LRRC2: variants seen among roughly 807,000 people sequenced by gnomAD.
LRRC2 encodes leucine-rich repeat-containing protein 2.
A neutral mutation model predicts 40.2 loss-of-function variants in LRRC2; 27 were observed. The observed-to-expected ratio is 0.67, with a 90% CI of 0.49 to 0.93. The LOEUF is 0.93. Ranked by LOEUF, LRRC2 falls within the 40% of genes least tolerant of loss-of-function variation. LRRC2 has a pLI of 0.00. For missense variants in LRRC2, 402 were observed against 439.6 expected, an observed-to-expected ratio of 0.91 and a Z score of 0.76; for synonymous variants, 147 against 158.9, an observed-to-expected ratio of 0.92 and a Z score of 0.56.
intron 2 of LRRC2, 29 bp from the exon 3 acceptor site, chr3:46,545,282 C>T (rs1340509932): frequency 5.0e-6 from 8 of 1,603,020 alleles, no homozygotes; most frequent in Middle Eastern, 1.7e-4. Flanking sequence ...GTCACAGTTA[C>T]TCTCCTGGGG....
At chr3:46,536,539 T>C (rs1704272591) in intron 4 of LRRC2, among the ~76,000 whole-genome samples, 1 of 152,100 alleles carries the variant, frequency 6.6e-6, no homozygotes, top group African/African-American at 2.4e-5. Context: ...CCCACCAATC[T>C]CTTCTCCTCC....
chr3:46,526,288 T>G (rs116946355), intron 7 of LRRC2, among the ~76,000 whole-genome samples: 1 of 152,248 alleles, frequency 6.6e-6, no homozygotes, highest in Non-Finnish European at 1.5e-5. Context: ...CTGACTCTCT[T>G]AGATTTCTGA....
chr3:46,530,900 T>C (rs894863091), intron 5 of LRRC2, among the ~76,000 whole-genome samples: 3 of 152,178 alleles, frequency 2.0e-5, no homozygotes. Flanking sequence ...CATATCATCA[T>C]GTAAAACATA....
Position 46,545,250 on chromosome 3 carries a change from T to C in LRRC2, c.129A>G (p.Ile43Met), listed in dbSNP as rs1307372654. Residue 43 changes from isoleucine to methionine, a missense_variant, in exon 3 of 9, where the codon ATA becomes ATG. By Grantham distance (10) the Ile-to-Met change is conservative. Coordinates refer to ENST00000395905, the MANE Select transcript of LRRC2 (RefSeq NM_024512.5). ...CGGCCACAAAGTTCCACTCCTCCTT[T>C]ATCCTAAAACAGGCAGCAGGGGTCA... The part of the protein sequence containing the change: ...ERLEKSALEK[I>M]KEEWNFVAEC... The C allele has an allele frequency of 6.2e-7, 1 of 1,613,822 alleles. No individual in the cohort carries two copies. Among genetic ancestry groups the C allele is most frequent in the Non-Finnish European group, 8.5e-7 (1 of 1,179,934 alleles).
intron 7 of LRRC2, among the ~76,000 whole-genome samples, chr3:46,524,673 GATAAGTGT>G (rs1463093231): frequency 1.3e-5 from 2 of 152,090 alleles, no homozygotes; most frequent in Admixed American, 6.6e-5. Flanking sequence ...TGTTATAAAG[GATAAGTGT>G]ATAAGTGTTA....
chr3:46,537,166 C>T (rs899989626), intron 4 of LRRC2, among the ~76,000 whole-genome samples: 1 of 152,176 alleles, frequency 6.6e-6, no homozygotes, highest in Non-Finnish European at 1.5e-5. Flanking sequence ...CACCCTGTCA[C>T]CCAGGCTGGA....
chr3:46,526,895 T>C (rs1407275454), intron 7 of LRRC2, among the ~76,000 whole-genome samples: 1 of 152,252 alleles, frequency 6.6e-6, no homozygotes, highest in Non-Finnish European at 1.5e-5. Flanking sequence ...AGCTCCAGAT[T>C]CTGGGAGGAT....
At chr3:46,527,042 G>A (rs970185610) in intron 7 of LRRC2, among the ~76,000 whole-genome samples, 6 of 152,278 alleles carry the variant, frequency 3.9e-5, no homozygotes, top group Middle Eastern at 3.4e-3. Flanking sequence ...TCTTAGTTGT[G>A]GGTGGTTTAT....
chr3:46,558,605 G>A (rs1704865720), intron 1 of LRRC2: 1 of 152,248 alleles, frequency 6.6e-6, no homozygotes, highest in Non-Finnish European at 1.5e-5. Context: ...ACAAACTTAC[G>A]GAGCTGTTTC....
chr3:46,521,274 C>T (rs938650821), intron 8 of LRRC2, among the ~76,000 whole-genome samples: 2 of 152,142 alleles, frequency 1.3e-5, no homozygotes, highest in Non-Finnish European at 2.9e-5. Flanking sequence ...ATTTTAAGTG[C>T]ACGTTTCCCA....
intron 1 of LRRC2, among the ~76,000 whole-genome samples, chr3:46,553,434 G>A (rs988431624): frequency 6.6e-6 from 1 of 152,178 alleles, no homozygotes; most frequent in African/African-American, 2.4e-5. Context: ...CGGATATGAA[G>A]CCAAATATTT....
intron 7 of LRRC2, among the ~76,000 whole-genome samples, chr3:46,525,583 C>T (rs988460648): frequency 2.6e-5 from 4 of 152,128 alleles, no homozygotes; most frequent in African/African-American, 4.8e-5. Context: ...AGTTCTGTCA[C>T]ACTACTCTTG....
intron 8 of LRRC2, among the ~76,000 whole-genome samples, chr3:46,520,143 C>T (rs184472898): frequency 2.7e-5 from 4 of 147,370 alleles, no homozygotes; most frequent in East Asian, 1.9e-4. Context: ...AATATATTAT[C>T]GATAAAATTA....
chr3:46,563,966 GAGCCAGTGTA>G (rs1312852788), intron 1 of LRRC2, among the ~76,000 whole-genome samples: 4 of 152,204 alleles, frequency 2.6e-5, no homozygotes, highest in African/African-American at 9.7e-5. Context: ...CGTGTGTACT[GAGCCAGTGTA>G]CTTAGTTTGT....
chr3:46,549,320 A>G (rs1265100705), intron 2 of LRRC2, among the ~76,000 whole-genome samples: 2 of 152,218 alleles, frequency 1.3e-5, no homozygotes, highest in Non-Finnish European at 2.9e-5. Context: ...TAACCCTCAA[A>G]TAGTACTAAT....
intron 4 of LRRC2, among the ~76,000 whole-genome samples, chr3:46,534,428 CTT>C (rs1213017573): frequency 9.3e-6 from 1 of 107,898 alleles, no homozygotes; most frequent in East Asian, 2.4e-4. Context: ...TCCTTCCTTT[CTT>C]TCTTTCTTTC....
At chr3:46,555,524 T>C (rs943466722) in intron 1 of LRRC2, among the ~76,000 whole-genome samples, 4 of 152,156 alleles carry the variant, frequency 2.6e-5, no homozygotes, top group African/African-American at 7.2e-5. Flanking sequence ...TTGGGTAGTT[T>C]TTTTCTCTTG....
At chr3:46,556,823 C>T (rs1050238265) in intron 1 of LRRC2, among the ~76,000 whole-genome samples, 11 of 151,990 alleles carry the variant, frequency 7.2e-5, no homozygotes, top group African/African-American at 1.9e-4. Flanking sequence ...GTGATTCACC[C>T]GCCTCAGCCT....
intron 1 of LRRC2, among the ~76,000 whole-genome samples, chr3:46,561,858 A>G (rs960291181): frequency 1.3e-5 from 2 of 152,182 alleles, no homozygotes; most frequent in East Asian, 3.9e-4. Flanking sequence ...TAGAAACAGA[A>G]GAAAATACCC....
Sources: gnomAD v4.1 joint callset for allele counts (sites outside exome capture counted in the v4.1 genomes callset) on GRCh38, gnomAD v4.1.1 for gene constraint, MANE v1.5 for transcripts, NCBI Gene and HGNC (gene_info 2026-07-23, HGNC 2026-07-21) for gene names.